Variants in MAP4K4 observed in about 807,000 individuals in gnomAD.
The protein encoded by MAP4K4 is mitogen-activated protein kinase kinase kinase kinase 4.
Under a neutral mutation model 189.6 loss-of-function variants are expected in MAP4K4, and 38 were observed. The observed-to-expected ratio is 0.20, with a 90% confidence interval of 0.15 to 0.26. The LOEUF (loss-of-function observed/expected upper bound fraction) is 0.26, where lower values mean the gene tolerates loss of function less well. MAP4K4 is among the 10% of genes least tolerant of loss of function. MAP4K4 has a pLI of 1.00. For synonymous variants in MAP4K4, 610 were observed against 624.3 expected (o/e 0.98, Z 0.34); for missense variants, 1,054 against 1,726.9 (o/e 0.61, Z 6.91).
intron 22 of MAP4K4, 65 bp downstream of exon 22, chr2:101,869,862 C>T: frequency 6.8e-7 from 1 of 1,460,148 alleles, no homozygotes; most frequent in Non-Finnish European, 9.1e-7. Context: ...TCCACTGGGA[C>T]CTAGTTGTTC....
chr2:101,812,746 C>T (rs965288689), intron 3 of MAP4K4, among the ~76,000 whole-genome samples: 19 of 152,080 alleles, frequency 1.2e-4, no homozygotes, highest in African/African-American at 4.6e-4. Flanking sequence ...TGCTAGGGGA[C>T]GCTACTTAAG....
chr2:101,724,391 G>A (rs1369238643), intron 2 of MAP4K4, among the ~76,000 whole-genome samples: 1 of 152,126 alleles, frequency 6.6e-6, no homozygotes, highest in Non-Finnish European at 1.5e-5. Flanking sequence ...TGGGCCTCAG[G>A]TTCCTTTTAT....
At chr2:101,881,825 C>T (rs527930336) in intron 27 of MAP4K4, among the ~76,000 whole-genome samples, 13 of 152,278 alleles carry the variant, frequency 8.5e-5, no homozygotes, top group Non-Finnish European at 1.3e-4. Flanking sequence ...GTGTGGCTGA[C>T]GTTGCCCCCC....
chr2:101,887,871 G>A (rs756300078), exon 31 of MAP4K4: 2 of 1,612,974 alleles, frequency 1.2e-6, no homozygotes, highest in Admixed American at 1.7e-5. Context: ...GGGGGTTTAT[G>A]TAAACACATA....
At chr2:101,750,714 A>G (rs1242199790) in intron 2 of MAP4K4, among the ~76,000 whole-genome samples, 1 of 151,738 alleles carries the variant, frequency 6.6e-6, no homozygotes, top group Non-Finnish European at 1.5e-5. Context: ...AATCCTAGCT[A>G]CTCAGGAGGC....
intron 2 of MAP4K4, among the ~76,000 whole-genome samples, chr2:101,749,148 G>A (rs1341230177): frequency 1.1e-3 from 159 of 150,224 alleles, no homozygotes; most frequent in African/African-American, 3.5e-3. Context: ...TCACAGAATT[G>A]GAAAAAACTA....
Position 101,868,172 on chromosome 2 carries a change from A to G in MAP4K4, c.2463+135A>G, listed in dbSNP as rs981241995. 6 of 935,718 alleles carry G rather than the reference A, an allele frequency of 6.4e-6. No individual in the cohort carries two copies. The East Asian group carries it at 8.0e-5, about 12-fold the overall frequency. The allele number at this position is 935,718 out of a possible 1,614,324, so 58.0% of individuals were successfully genotyped here. ...TCTTTTCTAGAATTTAAAAACCTCA[A>G]ACTTTACTCCAGTTTTCTTAACATA... On this transcript the variant is annotated intron_variant, in intron 21 of 32. Coordinates refer to ENST00000324219, the Ensembl canonical transcript of MAP4K4.
chr2:101,698,423 AT>A (rs766282556), intron 1 of MAP4K4, 49 bp from the exon 2 acceptor site: 28 of 1,493,164 alleles, frequency 1.9e-5, no homozygotes, highest in Non-Finnish European at 2.4e-5. Flanking sequence ...TGATTTATTC[AT>A]TTTTTTGGCT....
chr2:101,787,575 T>C lies in MAP4K4; in HGVS notation c.124-3145T>C, dbSNP rs186363542. 3.1e-4 allele frequency among the ~76,000 whole-genome samples: 47 copies of C among 152,246 alleles called. No homozygotes were observed. The East Asian group carries it at 8.3e-3, about 27-fold the overall frequency. On this transcript the variant is annotated intron_variant, in intron 2 of 32. Transcript: ENST00000324219. The stretch of plus-strand genomic sequence containing the variant: ...GAGCGGAGAGTCAGTATATTCCCTC[T>C]TGGGTGGTATTGAATAAATCACAGG...
At chr2:101,730,802 C>G (rs1046369793) in intron 2 of MAP4K4, among the ~76,000 whole-genome samples, 4 of 152,098 alleles carry the variant, frequency 2.6e-5, no homozygotes, top group Non-Finnish European at 4.4e-5. Context: ...AATCCCAGCA[C>G]TTTGGGAGGC....
intron 2 of MAP4K4, among the ~76,000 whole-genome samples, chr2:101,710,262 A>G (rs564463429): frequency 6.6e-6 from 1 of 152,338 alleles, no homozygotes; most frequent in South Asian, 2.1e-4. Flanking sequence ...CTCAGATTCT[A>G]GGGCCATTCC....
chr2:101,776,180 T>C (rs898442279), intron 2 of MAP4K4, among the ~76,000 whole-genome samples: 4 of 152,142 alleles, frequency 2.6e-5, no homozygotes, highest in Non-Finnish European at 4.4e-5. Context: ...GGGATTTTGA[T>C]CCAGTAGATC....
chr2:101,706,803 A>G (rs2042550188), intron 2 of MAP4K4, among the ~76,000 whole-genome samples: 1 of 152,142 alleles, frequency 6.6e-6, no homozygotes, highest in Admixed American at 6.5e-5. Flanking sequence ...CACATCCTCT[A>G]GTAGTTTTAA....
chr2:101,886,775 C>T (rs2098490307), intron 29 of MAP4K4, among the ~76,000 whole-genome samples: 1 of 152,154 alleles, frequency 6.6e-6, no homozygotes, highest in Non-Finnish European at 1.5e-5. Flanking sequence ...GGCGTGGTGG[C>T]TCACGCCTGT....
At chr2:101,714,016 T>G (rs2047077573) in intron 2 of MAP4K4, among the ~76,000 whole-genome samples, 1 of 151,942 alleles carries the variant, frequency 6.6e-6, no homozygotes, top group Non-Finnish European at 1.5e-5. Context: ...GCCAATATTT[T>G]AATATCTTTG....
At chr2:101,781,264 G>A (rs1347817260) in intron 2 of MAP4K4, among the ~76,000 whole-genome samples, 1 of 152,058 alleles carries the variant, frequency 6.6e-6, no homozygotes, top group Non-Finnish European at 1.5e-5. Flanking sequence ...TGGAAGGGGC[G>A]CTATCCTTTG....
At chr2:101,869,736 G>A (rs1405530495) in exon 22 of MAP4K4, 2 of 1,593,614 alleles carry the variant, frequency 1.3e-6, no homozygotes, top group Non-Finnish European at 1.7e-6. Flanking sequence ...TGAGGAGGAC[G>A]ACGATGTGGA....
chr2:101,715,081 C>A (rs189309597), intron 2 of MAP4K4, among the ~76,000 whole-genome samples: 6 of 152,274 alleles, frequency 3.9e-5, no homozygotes, highest in Admixed American at 3.9e-4. Flanking sequence ...TAATATAAGT[C>A]ATTTTCTCAT....
chr2:101,858,721 T>C (rs1193055355), intron 13 of MAP4K4, among the ~76,000 whole-genome samples: 2 of 152,252 alleles, frequency 1.3e-5, no homozygotes, highest in African/African-American at 2.4e-5. Flanking sequence ...AAATTCTGTA[T>C]TTGTTTACAA....
Sources: allele counts gnomAD v4.1 joint callset (sites outside exome capture counted in the v4.1 genomes callset), GRCh38; gene constraint gnomAD v4.1.1; transcripts MANE v1.5; gene names NCBI Gene and HGNC (gene_info 2026-07-23, HGNC 2026-07-21).